Variants in AOPEP observed in about 807,000 individuals in gnomAD.
AOPEP encodes aminopeptidase O (putative), also known as aminopeptidase O.
Under a neutral mutation model 98.1 loss-of-function variants are expected in AOPEP, and 77 were observed. The observed-to-expected ratio is 0.78, with a 90% confidence interval of 0.65 to 0.95. The LOEUF is 0.95. AOPEP is among the 40% of genes least tolerant of loss of function. AOPEP has a pLI of 0.00. For synonymous variants in AOPEP, 346 were observed against 365.3 expected, an observed-to-expected ratio of 0.95 and a Z score of 0.60; for missense variants, 1,024 against 1,024.7, an observed-to-expected ratio of 1.00 and a Z score of 0.01.
intron 9 of AOPEP, among the ~76,000 whole-genome samples, chr9:94,958,020 A>T (rs564754221): frequency 8.5e-5 from 13 of 152,172 alleles, no homozygotes; most frequent in African/African-American, 2.9e-4. Context: ...CTCCCATACC[A>T]TTAATATTTC....
intron 5 of AOPEP, among the ~76,000 whole-genome samples, chr9:94,894,215 C>G (rs904947981): frequency 6.6e-6 from 1 of 151,944 alleles, no homozygotes; most frequent in Non-Finnish European, 1.5e-5. Flanking sequence ...AAGATCAAAG[C>G]AGATATGAAT....
chr9:94,961,671 T>C (rs1446357712), intron 9 of AOPEP, among the ~76,000 whole-genome samples: 1 of 152,242 alleles, frequency 6.6e-6, no homozygotes, highest in Non-Finnish European at 1.5e-5. Flanking sequence ...TCTTTGAGCT[T>C]TCATTTTACC....
intron 5 of AOPEP, among the ~76,000 whole-genome samples, chr9:94,828,092 C>T (rs1401074808): frequency 2.6e-5 from 4 of 152,074 alleles, no homozygotes; most frequent in African/African-American, 9.7e-5. Flanking sequence ...GTGGTCAGCA[C>T]GGGGAATATT....
the AOPEP span, among the ~76,000 whole-genome samples, chr9:95,120,063 T>A: frequency 6.6e-6 from 1 of 152,168 alleles, no homozygotes; most frequent in Non-Finnish European, 1.5e-5. Flanking sequence ...TTCCTATGGT[T>A]AGTGCTTCTG....
At chr9:94,919,944 C>G (rs926575886) in intron 5 of AOPEP, among the ~76,000 whole-genome samples, 1 of 152,088 alleles carries the variant, frequency 6.6e-6, no homozygotes, top group African/African-American at 2.4e-5. Flanking sequence ...TAAGAAGTAC[C>G]AGCTTGATAA....
At chr9:95,058,858 G>T (rs1188577666) in intron 13 of AOPEP, among the ~76,000 whole-genome samples, 3 of 152,208 alleles carry the variant, frequency 2.0e-5, no homozygotes, top group South Asian at 2.1e-4. Context: ...CCAGCCTCCT[G>T]CAGGAAAGCA....
At chr9:94,929,155 G>T (rs2054868601) in intron 7 of AOPEP, among the ~76,000 whole-genome samples, 2 of 152,166 alleles carry the variant, frequency 1.3e-5, no homozygotes, top group African/African-American at 2.4e-5. Context: ...TAGGCTCCGG[G>T]AGCACTGTGG....
chr9:94,776,384 C>T (rs2132990174), intron 3 of AOPEP, among the ~76,000 whole-genome samples: 1 of 152,272 alleles, frequency 6.6e-6, no homozygotes, highest in East Asian at 1.9e-4. Flanking sequence ...TCACTGCAAC[C>T]TCTGCTTTCC....
At chr9:95,076,341 G>C (rs1264872205) in intron 14 of AOPEP, among the ~76,000 whole-genome samples, 1 of 151,996 alleles carries the variant, frequency 6.6e-6, no homozygotes, top group Admixed American at 6.5e-5. Flanking sequence ...CATCTAGGAA[G>C]TTGCACACAG....
At chr9:95,070,735 G>A (rs1227883240) in intron 14 of AOPEP, among the ~76,000 whole-genome samples, 1 of 152,262 alleles carries the variant, frequency 6.6e-6, no homozygotes, top group Non-Finnish European at 1.5e-5. Flanking sequence ...GCAGAGAGCA[G>A]TGGGAGCTGG....
intron 11 of AOPEP, among the ~76,000 whole-genome samples, chr9:94,981,529 G>C (rs542436066): frequency 2.6e-5 from 4 of 152,116 alleles, no homozygotes; most frequent in Non-Finnish European, 4.4e-5. Flanking sequence ...GTGTCTTTGC[G>C]TCTCTTCTAC....
intron 5 of AOPEP, among the ~76,000 whole-genome samples, chr9:94,899,906 G>A (rs1038243589): frequency 1.5e-4 from 23 of 152,172 alleles, no homozygotes; most frequent in African/African-American, 4.1e-4. Flanking sequence ...TTGAGTTACT[G>A]AGTTAAATCT....
chr9:94,734,466 G>T (rs554516645), intron 1 of AOPEP, among the ~76,000 whole-genome samples: 49 of 152,262 alleles, frequency 3.2e-4, no homozygotes, highest in African/African-American at 1.1e-3. Flanking sequence ...CCATATACAA[G>T]TTTTCAATAA....
chr9:94,775,772 A>C (rs549805181), intron 3 of AOPEP, among the ~76,000 whole-genome samples: 10 of 152,232 alleles, frequency 6.6e-5, no homozygotes, highest in Admixed American at 5.9e-4. Context: ...CAGGAGATCG[A>C]GACCATTCTG....
intron 13 of AOPEP, among the ~76,000 whole-genome samples, 162 bp downstream of exon 13, chr9:95,005,778 A>G (rs933083670): frequency 2.7e-4 from 41 of 152,226 alleles, no homozygotes; most frequent in African/African-American, 8.9e-4. Context: ...ATATTGGTCG[A>G]TAAGGCTAAT....
intron 14 of AOPEP, among the ~76,000 whole-genome samples, chr9:95,066,288 C>CA (rs1286571814): frequency 6.6e-6 from 1 of 152,174 alleles, no homozygotes; most frequent in African/African-American, 2.4e-5. Context: ...GGAAAGCCTG[C>CA]AACAGCATCT....
At position 94,930,049 on chromosome 9, in the gene AOPEP, A is replaced by G. The variant is rs925755122; in HGVS notation, c.1661+1518A>G. 2.0e-5 allele frequency among the ~76,000 whole-genome samples: 3 copies of G among 152,138 alleles called. No homozygotes were observed. Among genetic ancestry groups the G allele is most frequent in the African/African-American group, 7.2e-5 (3 of 41,426 alleles). ...AAGCTGCTCCAGGACCTTCAGCAGGAAGGTGGTATGATCTGCTCAGTATTT... is the reference window on the plus strand; with the variant it reads ...AAGCTGCTCCAGGACCTTCAGCAGGGAGGTGGTATGATCTGCTCAGTATTT... On this transcript the variant is annotated intron_variant, in intron 7 of 16. Transcript: ENST00000375315. This position sits in a 1 kb window ranked among gnomAD's most constrained non-coding sequence, Gnocchi z 4.5.
chr9:95,095,361 G>A, the AOPEP span, among the ~76,000 whole-genome samples: 3 of 152,276 alleles, frequency 2.0e-5, no homozygotes, highest in Admixed American at 1.3e-4. Context: ...GGGAGCACCT[G>A]GGCTTCTGCC....
chr9:95,049,720 G>A (rs4743981), intron 13 of AOPEP, among the ~76,000 whole-genome samples: 121,479 of 152,106 alleles, frequency 0.8, 49,693 homozygotes, highest in Non-Finnish European at 0.89. Context: ...CAAATTTCCT[G>A]AAGTCTTGCA....
Sources: gnomAD v4.1 joint callset for allele counts (sites outside exome capture counted in the v4.1 genomes callset) on GRCh38, gnomAD v4.1.1 for gene constraint, Gnocchi (gnomAD v3.1) non-coding constraint, MANE v1.5 for transcripts, NCBI Gene and HGNC (gene_info 2026-07-23, HGNC 2026-07-21) for gene names.